The following MBD3 variants were observed in gnomAD, a reference collection of about 807,000 sequenced individuals.
MBD3 encodes methyl-CpG binding domain protein 3.
A neutral mutation model predicts 31.2 loss-of-function variants in MBD3; 13 were observed. The observed-to-expected ratio is 0.42, with a 90% CI of 0.27 to 0.66. The LOEUF (loss-of-function observed/expected upper bound fraction) is 0.66. Among genes scored for constraint, MBD3 ranks in the 30% least tolerant of loss-of-function variants. The probability of loss-of-function intolerance (pLI) is 0.26; values close to 1 mark genes in which losing one functional copy is unlikely to be tolerated. For missense variants in MBD3, 440 were observed against 426.5 expected (o/e 1.03, Z -0.28); for synonymous variants, 223 against 187.4 (o/e 1.19, Z -1.55).
chr19:1,582,853 G>T, intron 3 of MBD3, 141 bp from the exon 4 acceptor site: 1 of 721,936 alleles, frequency 1.4e-6, no homozygotes, highest in South Asian at 1.5e-5. Context: ...CACTGCCTTG[G>T]GTCTCCAGAC....
chr19:1,582,492 C>T (rs2060657400), intron 4 of MBD3, 130 bp downstream of exon 4: 4 of 836,504 alleles, frequency 4.8e-6, no homozygotes, highest in Non-Finnish European at 3.9e-6. Context: ...CTGCCCCAGT[C>T]GCTGGCAGAT....
intron 1 of MBD3, among the ~76,000 whole-genome samples, chr19:1,588,637 C>T (rs997925088): frequency 4.0e-5 from 6 of 151,728 alleles, no homozygotes; most frequent in African/African-American, 9.7e-5. Context: ...AAAAATTGGC[C>T]GGGCACAGTG....
rs1285621542 is a variant in MBD3, at chr19:1,575,431, G to A, written c.*2733C>T. The A allele has an allele frequency of 9.1e-6, 3 of 330,582 alleles. No individual in the cohort carries two copies. Among genetic ancestry groups the A allele is most frequent in the Non-Finnish European group, 1.8e-5 (3 of 165,126 alleles). The allele number at this position is 330,582 out of a possible 1,614,324, so 20.5% of individuals were successfully genotyped here. ...TTGTCTAAAAAAAAAAAAAGTCCCAGAAGGTCTTGGGGCTGAGACATGGGC... is the reference window on the plus strand; with the variant it reads ...TTGTCTAAAAAAAAAAAAAGTCCCAAAAGGTCTTGGGGCTGAGACATGGGC... On this transcript the variant is annotated 3_prime_UTR_variant, in exon 7 of 7. Transcript: ENST00000434436.
chr19:1,590,288 C>T (rs927529077), intron 1 of MBD3, among the ~76,000 whole-genome samples: 9 of 151,806 alleles, frequency 5.9e-5, no homozygotes, highest in Admixed American at 1.3e-4. Context: ...AAGAGTGAAA[C>T]TCCATCTCCA....
chr19:1,588,102 T>A (rs1011189645), intron 1 of MBD3, among the ~76,000 whole-genome samples: 1 of 152,096 alleles, frequency 6.6e-6, no homozygotes, highest in Non-Finnish European at 1.5e-5. Flanking sequence ...GATACATAGA[T>A]CACAGGAAGT....
At chr19:1,582,003 A>G (rs143005820) in intron 4 of MBD3, among the ~76,000 whole-genome samples, 1,955 of 152,152 alleles carry the variant, frequency 0.013, 33 homozygotes, top group African/African-American at 0.04. Context: ...TCCTGACCTC[A>G]TGATCCGCCC....
chr19:1,591,186 C>T (rs1176950376), intron 1 of MBD3, among the ~76,000 whole-genome samples: 1 of 152,208 alleles, frequency 6.6e-6, no homozygotes, highest in African/African-American at 2.4e-5. Flanking sequence ...CATCTGCCCT[C>T]CCAGATTTCA....
At chr19:1,580,883 A>G (rs559212428) in intron 5 of MBD3, among the ~76,000 whole-genome samples, 2 of 152,296 alleles carry the variant, frequency 1.3e-5, no homozygotes, top group Non-Finnish European at 2.9e-5. Flanking sequence ...CATTCCTCCA[A>G]GGGGTGCCTG....
In MBD3 at chr19:1,575,207, A is replaced by C. The variant is rs1451993172; in HGVS notation, c.*2957T>G. 1 of 434,070 alleles carries C rather than the reference A, an allele frequency of 2.3e-6. No individual in the cohort carries two copies. The highest frequency in any genetic ancestry group is 4.7e-6 in the Non-Finnish European group (1 of 212,604). The allele number at this position is 434,070 out of a possible 1,614,324, so 26.9% of individuals were successfully genotyped here. ...CAATTTGGGAAGCTGGGGCGGGCGG[A>C]TCACCTGAGGTTAGGAGTTCCAGAC... is the stretch of plus-strand genomic sequence containing the variant. On this transcript the variant is annotated 3_prime_UTR_variant, in exon 7 of 7. Coordinates refer to ENST00000434436, the MANE Select transcript of MBD3 (RefSeq NM_001281453.2).
rs1229736054 is a variant in MBD3, at chr19:1,577,808, G to C, written c.*356C>G. On this transcript the variant is annotated 3_prime_UTR_variant, in exon 7 of 7. Transcript: ENST00000434436. The stretch of plus-strand genomic sequence containing the variant: ...GCAAGCCGTGGCGCCGAGCTGCCGG[G>C]CACCTGCTGGCTGCTCTCCAGTCTC... The C allele has an allele frequency of 6.0e-6, 1 of 165,632 alleles. No homozygotes were observed. The highest frequency in any genetic ancestry group is 1.8e-4 in the East Asian group (1 of 5,436). 10.3% of individuals were successfully genotyped at this position (165,632 alleles called of 1,614,324 possible).
intron 5 of MBD3, among the ~76,000 whole-genome samples, 200 bp downstream of exon 5, chr19:1,580,892 T>C (rs1917336474): frequency 6.6e-6 from 1 of 152,208 alleles, no homozygotes; most frequent in South Asian, 2.1e-4. Context: ...AAGGGGTGCC[T>C]GGCTCGCCCT....
rs566530205 is a variant in MBD3 at position 1,588,471 on chromosome 19, G to A, written c.111-3257C>T. ...CCTCCGGTCACCCCAAAGAGAGGCC[G>A]TTCTGCCTTTTAAGATGAAGGGAAA... On this transcript the variant is annotated intron_variant, in intron 1 of 6. Transcript: ENST00000434436. Among the ~76,000 whole-genome samples the A allele has an allele frequency of 1.5e-3, 230 of 152,206 alleles. 1 individual carries two copies. The highest frequency in any genetic ancestry group is 5.1e-3 in the African/African-American group (213 of 41,536).
At position 1,581,153 on chromosome 19, in the gene MBD3, C is replaced by A; in HGVS notation, c.616G>T (p.Val206Leu). The change falls in exon 5 of 7, where the codon GTA (valine) becomes TTA (leucine). Residue 206 changes from valine (V) to leucine (L), a missense_variant. By Grantham distance (32) the Val-to-Leu change is conservative (BLOSUM62 1). This residue lies in a region of MBD3 where 144 missense variants were observed against 196.9 expected (regional missense o/e 0.73). Coordinates refer to ENST00000434436, the MANE Select transcript of MBD3 (RefSeq NM_001281453.2). ...LSAAVEKNPG[V>L]WLNTTQPLCK... is the part of the protein sequence containing the mutation. ...AGGGGCTGCGTGGTGTTGAGCCATA[C>A]GCCGGGGTTCTTCTCCACGGCGGCC... 6.2e-7 allele frequency: 1 copy of A among 1,614,164 alleles called. No individual in the cohort carries two copies. Among genetic ancestry groups the A allele is most frequent in the Non-Finnish European group, 8.5e-7 (1 of 1,180,032 alleles).
chr19:1,578,634 C>T lies in MBD3; in HGVS notation c.678-96G>A, dbSNP rs919810614. On this transcript the variant is annotated intron_variant, in intron 5 of 6. Transcript: ENST00000434436. This position sits in a 1 kb window ranked among gnomAD's most constrained non-coding sequence, Gnocchi z 6.1. ...GGGACCTCAGCTGGGAGGGGAGGCC[C>T]GAGGGATCCACAGGCACCCCCCCAG... 1.2e-4 allele frequency: 187 copies of T among 1,597,516 alleles called. No homozygotes were observed. The highest frequency in any genetic ancestry group is 3.3e-4 in the East Asian group (15 of 44,854).
rs767584879 is a variant in MBD3, at chr19:1,581,105, C to T, written c.664G>A (p.Asp222Asn). Residue 222 changes from aspartate (D) to asparagine (N), a missense_variant, in exon 5 of 7, where the codon GAC becomes AAC. Coordinates refer to ENST00000434436, the MANE Select transcript of MBD3 (RefSeq NM_001281453.2). ...CCAAGGGGCTACCTGATGTCCTCGTCGGTCACCATGAAGGCTTTGCACAGG... is the reference window on the plus strand; with the variant it reads ...CCAAGGGGCTACCTGATGTCCTCGTTGGTCACCATGAAGGCTTTGCACAGG... Reference protein sequence around the residue: ...QPLCKAFMVTDEDIRKQEELV... With the variant: ...QPLCKAFMVTNEDIRKQEELV... 1.2e-5 allele frequency: 20 copies of T among 1,614,016 alleles called. No individual in the cohort carries two copies. The highest frequency in any genetic ancestry group is 2.2e-5 in the East Asian group (1 of 44,890).
chr19:1,578,631 G>A lies in MBD3; in HGVS notation c.678-93C>T. On this transcript the variant is annotated intron_variant, in intron 5 of 6. Transcript: ENST00000434436. This position sits in a 1 kb window ranked among gnomAD's most constrained non-coding sequence, Gnocchi z 6.1. Reference sequence around the variant, plus strand: ...GTGGGGACCTCAGCTGGGAGGGGAGGCCCGAGGGATCCACAGGCACCCCCC... The same window carrying A: ...GTGGGGACCTCAGCTGGGAGGGGAGACCCGAGGGATCCACAGGCACCCCCC... The A allele has an allele frequency of 6.3e-7, 1 of 1,597,786 alleles. No homozygotes were observed. Among genetic ancestry groups the A allele is most frequent in the Non-Finnish European group, 8.5e-7 (1 of 1,179,396 alleles).
At chr19:1,582,580 C>G (rs1324541193) in intron 4 of MBD3, 42 bp downstream of exon 4, 3 of 1,589,024 alleles carry the variant, frequency 1.9e-6, no homozygotes, top group Admixed American at 1.7e-5. Flanking sequence ...TCCACCCCAC[C>G]CGGCACATCC....
Position 1,578,663 on chromosome 19 carries a change from C to G in MBD3, c.678-125G>C, listed in dbSNP as rs1483776768. The G allele has an allele frequency of 4.8e-5, 76 of 1,568,996 alleles. No individual in the cohort carries two copies. Among genetic ancestry groups the G allele is most frequent in the Non-Finnish European group, 5.9e-5 (68 of 1,155,812 alleles). On this transcript the variant is annotated intron_variant, in intron 5 of 6. Coordinates refer to ENST00000434436, the MANE Select transcript of MBD3 (RefSeq NM_001281453.2). This position sits in a 1 kb window ranked among gnomAD's most constrained non-coding sequence, Gnocchi z 6.1. Reference sequence around the variant, plus strand: ...GGATCCACAGGCACCCCCCCAGGACCAGCCCTGGCCCGTGCCACCCCTCCC... The same window carrying G: ...GGATCCACAGGCACCCCCCCAGGACGAGCCCTGGCCCGTGCCACCCCTCCC...
Position 1,585,237 on chromosome 19 carries a change from G to A in MBD3, c.111-23C>T. 6.4e-7 allele frequency: 1 copy of A among 1,555,624 alleles called. No individual in the cohort carries two copies. The highest frequency in any genetic ancestry group is 8.6e-7 in the Non-Finnish European group (1 of 1,157,878). The stretch of plus-strand genomic sequence containing the variant: ...GGGCTGCGGGGAGGCGGGACGGTCG[G>A]CGCCCCGGGCGGACCCCAGACCCCA... On this transcript the variant is annotated intron_variant, in intron 1 of 6. Transcript: ENST00000434436. The surrounding 1 kb of genome is among the most constrained non-coding windows in gnomAD (Gnocchi z 4.1).
Sources: allele counts gnomAD v4.1 joint callset (sites outside exome capture counted in the v4.1 genomes callset), GRCh38; gene constraint gnomAD v4.1.1; regional missense constraint gnomAD v4.1.1; non-coding constraint Gnocchi (gnomAD v3.1); transcripts MANE v1.5; gene names NCBI Gene and HGNC (gene_info 2026-07-23, HGNC 2026-07-21).